Variants in STK31 observed in about 807,000 individuals in gnomAD.
STK31 encodes serine/threonine-protein kinase 31.
In STK31, 89 loss-of-function variants were observed where a neutral mutation model predicts 129.7. That is an observed-to-expected ratio of 0.69 (90% CI 0.58 to 0.82). STK31 has a LOEUF of 0.82. Ranked by LOEUF, STK31 falls within the 40% of genes least tolerant of loss-of-function variation. The pLI is 0.00. For synonymous variants in STK31, 448 were observed against 395.3 expected (o/e 1.13, Z -1.58); for missense variants, 1,187 against 1,176.4 (o/e 1.01, Z -0.13).
Position 23,815,210 on chromosome 7 carries a change from C to T in STK31, c.2827C>T (p.Leu943=). The T allele has an allele frequency of 6.4e-7, 1 of 1,560,104 alleles. No homozygotes were observed. The highest frequency in any genetic ancestry group is 8.7e-7 in the Non-Finnish European group (1 of 1,153,312). ...DGIPKVDQFH[L]DDKVKSLLCS... ...AATCCCCAAAGTGGATCAGTTTCAT[C>T]TGGTATGTGACCTTTTTGACATTTA... Residue 943 remains leucine, a splice_region_variant and synonymous_variant, in exon 23 of 24, where the codon CTG becomes TTG. Coordinates refer to ENST00000355870, the MANE Select transcript of STK31 (RefSeq NM_031414.5).
chr7:23,831,587 G>A (rs1794550512), intron 23 of STK31, among the ~76,000 whole-genome samples: 1 of 152,166 alleles, frequency 6.6e-6, no homozygotes, highest in Non-Finnish European at 1.5e-5. Flanking sequence ...ATTGATACAT[G>A]CATGAGGGTT....
At chr7:23,759,244 A>G (rs942027882) in intron 10 of STK31, among the ~76,000 whole-genome samples, 9 of 152,218 alleles carry the variant, frequency 5.9e-5, no homozygotes, top group African/African-American at 2.2e-4. Flanking sequence ...TAACAAGGAT[A>G]TTCAGGACTT....
intron 20 of STK31, 33 bp downstream of exon 20, chr7:23,786,957 G>A (rs773780031): frequency 6.3e-7 from 1 of 1,581,134 alleles, no homozygotes; most frequent in South Asian, 1.1e-5. Context: ...TTCCATGGAT[G>A]TATTAAATGA....
At chr7:23,749,252 G>A (rs930487999) in intron 8 of STK31, among the ~76,000 whole-genome samples, 4 of 151,664 alleles carry the variant, frequency 2.6e-5, no homozygotes, top group East Asian at 1.9e-4. Flanking sequence ...CCAACATCCC[G>A]TCTACATCTG....
intron 11 of STK31, among the ~76,000 whole-genome samples, chr7:23,764,630 T>C (rs563652271): frequency 6.6e-6 from 1 of 152,290 alleles, no homozygotes; most frequent in African/African-American, 2.4e-5. Context: ...GTTTTAGATA[T>C]ATCTAAAACT....
intron 23 of STK31, among the ~76,000 whole-genome samples, chr7:23,816,428 G>A (rs879888290): frequency 5.9e-5 from 9 of 152,146 alleles, no homozygotes; most frequent in Non-Finnish European, 8.8e-5. Flanking sequence ...TTACAGTTTC[G>A]TGAGTCAGGA....
chr7:23,781,740 A>G (rs1333900324), intron 16 of STK31, among the ~76,000 whole-genome samples: 1 of 152,218 alleles, frequency 6.6e-6, no homozygotes, highest in Non-Finnish European at 1.5e-5. Context: ...TGAAAATTGT[A>G]AAGAAGGAAA....
chr7:23,799,187 C>G (rs1476272101), intron 22 of STK31, among the ~76,000 whole-genome samples: 1 of 152,168 alleles, frequency 6.6e-6, no homozygotes, highest in African/African-American at 2.4e-5. Context: ...TATGTAGATT[C>G]AGTGCTATCC....
At chr7:23,727,524 AT>A in intron 5 of STK31, 1 of 231,356 alleles carries the variant, frequency 4.3e-6, no homozygotes, top group Non-Finnish European at 8.0e-6. Flanking sequence ...TATGTAGGTT[AT>A]TTTTGGTGAC....
At chr7:23,721,333 A>C (rs1786676091) in intron 4 of STK31, 2 of 710,156 alleles carry the variant, frequency 2.8e-6, no homozygotes, top group Admixed American at 4.8e-5. Flanking sequence ...TATGTCAAGT[A>C]AGCTTTTAAA....
intron 23 of STK31, among the ~76,000 whole-genome samples, chr7:23,818,677 T>G (rs933589752): frequency 6.7e-6 from 1 of 149,486 alleles, no homozygotes; most frequent in East Asian, 1.9e-4. Context: ...CAGGTTGGAG[T>G]GCAGTGGCAC....
chr7:23,710,651 C>G, intron 1 of STK31: 1 of 1,190,508 alleles, frequency 8.4e-7, no homozygotes, highest in Non-Finnish European at 1.1e-6. Flanking sequence ...AAATAAGTGT[C>G]AGAGAGCTAC....
At chr7:23,726,572 G>A (rs976477013) in intron 4 of STK31, among the ~76,000 whole-genome samples, 1 of 150,462 alleles carries the variant, frequency 6.6e-6, no homozygotes, top group Non-Finnish European at 1.5e-5. Flanking sequence ...AGCCATGACT[G>A]CTGCACTGCA....
chr7:23,721,918 A>G (rs1786729065), intron 4 of STK31: 1 of 368,602 alleles, frequency 2.7e-6, no homozygotes, highest in South Asian at 2.4e-5. Flanking sequence ...CATGGTTCTC[A>G]GCTCCATCAG....
intron 23 of STK31, among the ~76,000 whole-genome samples, chr7:23,822,076 C>G (rs914024762): frequency 6.6e-6 from 1 of 152,118 alleles, no homozygotes; most frequent in Non-Finnish European, 1.5e-5. Flanking sequence ...AGTGTGATGC[C>G]TCCACCTTTG....
chr7:23,752,700 T>C lies in STK31; in HGVS notation c.1018-17T>C. On this transcript the variant is annotated splice_polypyrimidine_tract_variant and intron_variant, in intron 8 of 23. Transcript: ENST00000355870. ...CCTATTTGGGTCTCACGAGAATGTG[T>C]TTATTCTTTGTTTCAGCAAGAGAAG... The C allele has an allele frequency of 6.4e-7, 1 of 1,571,100 alleles. No individual in the cohort carries two copies. Among genetic ancestry groups the C allele is most frequent in the Non-Finnish European group, 8.8e-7 (1 of 1,141,462 alleles).
intron 8 of STK31, among the ~76,000 whole-genome samples, chr7:23,739,386 T>C (rs1787919360): frequency 6.6e-6 from 1 of 152,220 alleles, no homozygotes; most frequent in African/African-American, 2.4e-5. Context: ...CTTTGTCAGA[T>C]GGACAGATTG....
chr7:23,734,782 C>T lies in STK31; in HGVS notation c.484-756C>T, dbSNP rs146272855. Among the ~76,000 whole-genome samples the T allele has an allele frequency of 3.8e-3, 579 of 152,174 alleles. 3 individuals are homozygous for T. Among genetic ancestry groups the T allele is most frequent in the African/African-American group, 0.013 (540 of 41,516 alleles). ...GAGTTTGAGACCAGCTCAACTGACACGGTGAAACCCCATCTCTACTAAAAA... is the reference window on the plus strand; with the variant it reads ...GAGTTTGAGACCAGCTCAACTGACATGGTGAAACCCCATCTCTACTAAAAA... On this transcript the variant is annotated intron_variant, in intron 6 of 23. Transcript: ENST00000355870.
In STK31 at chr7:23,712,302, G is replaced by A. The variant is rs747400282; in HGVS notation, c.150+16G>A. The stretch of plus-strand genomic sequence containing the variant: ...TTGGGCCCAGGTAAATAGCAAACTG[G>A]TTGATATCCCCCCTCACCTCCCCCA... On this transcript the variant is annotated intron_variant, in intron 3 of 23. Transcript: ENST00000355870. 3.8e-5 allele frequency: 62 copies of A among 1,613,578 alleles called. No homozygotes were observed. The highest frequency in any genetic ancestry group is 4.7e-5 in the Non-Finnish European group (55 of 1,179,764).
Sources: gnomAD v4.1 joint callset for allele counts (sites outside exome capture counted in the v4.1 genomes callset) on GRCh38, gnomAD v4.1.1 for gene constraint, MANE v1.5 for transcripts, NCBI Gene and HGNC (gene_info 2026-07-23, HGNC 2026-07-21) for gene names.